Variants in ADAP1 observed in about 807,000 individuals in gnomAD.
ADAP1 encodes ArfGAP with dual PH domains 1.
ADAP1 carries 31 observed loss-of-function variants against 54.9 expected under a neutral mutation model. That is an observed-to-expected ratio of 0.56 (90% CI 0.42 to 0.76). ADAP1 has a LOEUF of 0.76. Among genes scored for constraint, ADAP1 ranks in the 30% least tolerant of loss-of-function variants. The pLI is 0.00. For synonymous variants in ADAP1, 313 were observed against 202.6 expected (o/e 1.55, Z -4.63); for missense variants, 535 against 512.4 (o/e 1.04, Z -0.42).
intron 4 of ADAP1, among the ~76,000 whole-genome samples, chr7:910,755 G>A (rs1264492431): frequency 3.3e-5 from 5 of 152,228 alleles, no homozygotes; most frequent in Non-Finnish European, 5.9e-5. Context: ...TATCTCATGG[G>A]GCCTCTGGCC....
chr7:919,556 C>A (rs1846079143), intron 4 of ADAP1, among the ~76,000 whole-genome samples: 1 of 132,372 alleles, frequency 7.6e-6, no homozygotes, highest in Non-Finnish European at 1.6e-5. Context: ...GAGGGAGAGA[C>A]AGAGATAGAG....
In ADAP1 at chr7:910,375, G is replaced by A. The variant is rs11980239; in HGVS notation, c.389-5203C>T. 2.0e-3 allele frequency among the ~76,000 whole-genome samples: 307 copies of A among 151,854 alleles called. 1 individual carries two copies. Among genetic ancestry groups the A allele is most frequent in the African/African-American group, 6.4e-3 (263 of 41,406 alleles). On this transcript the variant is annotated intron_variant, in intron 4 of 10. Transcript: ENST00000265846. ...AGTGATCCTCCAGCCTTGGCCTCCC[G>A]AGTAGCTGGGACCACAGATGCACGC... is the stretch of plus-strand genomic sequence containing the variant.
chr7:918,505 C>A (rs1010904607), intron 4 of ADAP1, among the ~76,000 whole-genome samples: 14 of 152,302 alleles, frequency 9.2e-5, no homozygotes, highest in African/African-American at 3.4e-4. Context: ...CGGCTCCCGA[C>A]CTCGTGTTCC....
At chr7:905,566 GAGAAAGGA>G (rs1845169088) in intron 4 of ADAP1, 8 of 27,660 alleles carry the variant, frequency 2.9e-4, no homozygotes, top group Non-Finnish European at 4.3e-4. Flanking sequence ...AAGGAGAAAG[GAGAAAGGA>G]GAAAGGAGAA....
Position 935,519 on chromosome 7 carries a change from C to A in ADAP1, c.83-14G>T. 6.4e-7 allele frequency: 1 copy of A among 1,560,560 alleles called. No individual in the cohort carries two copies. Among genetic ancestry groups the A allele is most frequent in the Non-Finnish European group, 8.7e-7 (1 of 1,152,626 alleles). On this transcript the variant is annotated splice_polypyrimidine_tract_variant and intron_variant, in intron 1 of 10. Transcript: ENST00000265846. ...CCCAGTCGGGATCTGCAAGGGAAAGCCGGACGTTCACGGAGGCTCAGCCCA... is the reference window on the plus strand; with the variant it reads ...CCCAGTCGGGATCTGCAAGGGAAAGACGGACGTTCACGGAGGCTCAGCCCA...
At chr7:930,551 G>C (rs1327501351) in intron 2 of ADAP1, among the ~76,000 whole-genome samples, 1 of 151,736 alleles carries the variant, frequency 6.6e-6, no homozygotes, top group Admixed American at 6.6e-5. Context: ...TGGCGCGGTG[G>C]CTCACGTCTG....
intron 1 of ADAP1, among the ~76,000 whole-genome samples, chr7:952,511 A>T (rs1164649348): frequency 6.6e-6 from 1 of 152,138 alleles, no homozygotes; most frequent in Non-Finnish European, 1.5e-5. Flanking sequence ...TCAGCAAAGA[A>T]GCATAGAGCC....
intron 1 of ADAP1, among the ~76,000 whole-genome samples, chr7:952,000 A>G (rs1008577718): frequency 6.6e-6 from 1 of 152,102 alleles, no homozygotes; most frequent in Non-Finnish European, 1.5e-5. Flanking sequence ...AGGCAGCTCC[A>G]AGGATGTACG....
At chr7:915,133 C>T (rs1470837341) in intron 4 of ADAP1, among the ~76,000 whole-genome samples, 1 of 151,874 alleles carries the variant, frequency 6.6e-6, no homozygotes, top group African/African-American at 2.4e-5. Flanking sequence ...CAGTCTACGA[C>T]CCCATGCCCT....
rs1044957230 is a variant in ADAP1 at position 897,906 on chromosome 7, C to T, written c.*1015G>A. 1.3e-5 allele frequency: 2 copies of T among 152,254 alleles called. No individual in the cohort carries two copies. Among genetic ancestry groups the T allele is most frequent in the Non-Finnish European group, 2.9e-5 (2 of 68,064 alleles). 9.4% of individuals were successfully genotyped at this position (152,254 alleles called of 1,614,324 possible). A position where few individuals can be genotyped will look rare whatever the true frequency, so the allele number is the denominator to read the frequency against. Reference sequence around the variant, plus strand: ...CCATCCTCGGACACACAGCTGGAACCATGCCAGAGCCACATTTTATTCCAG... The same window carrying T: ...CCATCCTCGGACACACAGCTGGAACTATGCCAGAGCCACATTTTATTCCAG... On this transcript the variant is annotated 3_prime_UTR_variant, in exon 11 of 11. Transcript: ENST00000265846.
intron 4 of ADAP1, among the ~76,000 whole-genome samples, chr7:909,858 T>TGGG (rs200737896): frequency 6.6e-6 from 1 of 150,814 alleles, no homozygotes; most frequent in Non-Finnish European, 1.5e-5. Flanking sequence ...TGGTGTGGGG[T>TGGG]GGGGGGGGTT....
chr7:926,877 CAAAGGGGG>C lies in ADAP1; in HGVS notation c.214-241_214-234del, dbSNP rs1846409021. 2 of 947,792 alleles carry C rather than the reference CAAAGGGGG, an allele frequency of 2.1e-6. No individual in the cohort carries two copies. Among genetic ancestry groups the C allele is most frequent in the African/African-American group, 3.5e-5 (2 of 57,954 alleles). The allele number at this position is 947,792 out of a possible 1,614,324, so 58.7% of individuals were successfully genotyped here. A position where few individuals can be genotyped will look rare whatever the true frequency, so the allele number is the denominator to read the frequency against. On this transcript the variant is annotated intron_variant, in intron 2 of 10. Transcript: ENST00000265846. The surrounding 1 kb of genome is among the most constrained non-coding windows in gnomAD (Gnocchi z 4.6). Reference sequence around the variant, plus strand: ...AGCGTCCCTAACGACGGGGTCCCGGCAAAGGGGGCCCAGGGGCCAGGCCCCTTTTGAGG... The same window carrying C: ...AGCGTCCCTAACGACGGGGTCCCGGCCCCAGGGGCCAGGCCCCTTTTGAGG...
chr7:905,339 G>A lies in ADAP1; in HGVS notation c.389-167C>T, dbSNP rs546337557. 7.5e-4 allele frequency: 361 copies of A among 480,316 alleles called. 11 individuals are homozygous for A. In the African/African-American group the frequency reaches 7.6e-3, roughly 10 times the overall value. 29.8% of individuals were successfully genotyped at this position (480,316 alleles called of 1,614,324 possible). On this transcript the variant is annotated intron_variant, in intron 4 of 10. Coordinates refer to ENST00000265846, the MANE Select transcript of ADAP1 (RefSeq NM_006869.4). The stretch of plus-strand genomic sequence containing the variant: ...GGGAGAGGGGACATGGAGGAGACAG[G>A]GAGATAGGAAGATGGGCAGGGAAAG...
At chr7:900,466 G>A (rs1025287893) in intron 7 of ADAP1, 67 bp downstream of exon 7, 3 of 1,483,804 alleles carry the variant, frequency 2.0e-6, no homozygotes, top group Admixed American at 3.9e-5. Flanking sequence ...AGGGCACGAG[G>A]GCTCCGTCCA....
chr7:900,852 G>T (rs1415404001), intron 6 of ADAP1: 2 of 633,820 alleles, frequency 3.2e-6, no homozygotes, highest in South Asian at 1.6e-5. Flanking sequence ...AGCCTCCCCC[G>T]GCGAAGTCCT....
chr7:917,455 T>G (rs1270617795), intron 4 of ADAP1, among the ~76,000 whole-genome samples: 1 of 152,138 alleles, frequency 6.6e-6, no homozygotes, highest in Non-Finnish European at 1.5e-5. Context: ...TTCAGCCATT[T>G]CAGGGCCGCC....
intron 2 of ADAP1, chr7:935,169 T>A (rs1846711383): frequency 1.4e-6 from 1 of 737,780 alleles, no homozygotes; most frequent in African/African-American, 1.7e-5. Context: ...ACAGAGAGGT[T>A]GGACCCGGCA....
chr7:909,281 G>GGA (rs1562917995), intron 4 of ADAP1, among the ~76,000 whole-genome samples: 8 of 41,020 alleles, frequency 2.0e-4, no homozygotes, highest in African/African-American at 1.1e-3. Flanking sequence ...GCAGGCGCCA[G>GGA]CGGGAACCCC....
rs772792637 is a variant in ADAP1 at position 900,081 on chromosome 7, C to A, written c.795+21G>T. The A allele has an allele frequency of 1.7e-5, 28 of 1,612,788 alleles. No homozygotes were observed. The Middle Eastern group carries it at 2.5e-3, about 143-fold the overall frequency. The stretch of plus-strand genomic sequence containing the variant: ...ATGGCGTACCCCAGGCCACCCCAGG[C>A]CGCACGTGCGGCACACCCACCTTGG... On this transcript the variant is annotated intron_variant, in intron 8 of 10. Transcript: ENST00000265846.
Sources: gnomAD v4.1 joint callset for allele counts (sites outside exome capture counted in the v4.1 genomes callset) on GRCh38, gnomAD v4.1.1 for gene constraint, Gnocchi (gnomAD v3.1) non-coding constraint, MANE v1.5 for transcripts, NCBI Gene and HGNC (gene_info 2026-07-23, HGNC 2026-07-21) for gene names.